Variants in SEC61A2 observed in about 807,000 individuals in gnomAD.
The protein encoded by SEC61A2 is SEC61 translocon subunit alpha 2.
A neutral mutation model predicts 59.9 loss-of-function variants in SEC61A2; 28 were observed. The ratio of observed to expected loss-of-function variants is 0.47; its 90% confidence interval spans 0.35 to 0.64. The LOEUF is 0.64. Ranked by LOEUF, SEC61A2 falls within the 30% of genes least tolerant of loss-of-function variation. The pLI, the probability that SEC61A2 is intolerant of heterozygous loss-of-function variation, is 0.01. For missense variants in SEC61A2, 340 were observed against 585.9 expected (o/e 0.58, Z 4.33); for synonymous variants, 202 against 214.4 (o/e 0.94, Z 0.50).
chr10:12,143,311 A>G lies in SEC61A2; in HGVS notation c.220+116A>G. 1.3e-6 allele frequency: 1 copy of G among 775,018 alleles called. No homozygotes were observed. The highest frequency in any genetic ancestry group is 2.3e-6 in the Non-Finnish European group (1 of 434,274). The allele number at this position is 775,018 out of a possible 1,614,324, so 48.0% of individuals were successfully genotyped here. ...AGGGGGAGGATATCATTGCCTAGAA[A>G]AGCCTAGTATGTAGATAATGACAAC... On this transcript the variant is annotated intron_variant, in intron 4 of 11. Coordinates refer to ENST00000298428, the MANE Select transcript of SEC61A2 (RefSeq NM_018144.4). This position sits in a 1 kb window ranked among gnomAD's most constrained non-coding sequence, Gnocchi z 4.8.
chr10:12,160,330 T>A lies in SEC61A2; in HGVS notation c.976-600T>A, dbSNP rs1313689606. Reference sequence around the variant, plus strand: ...ATACTGTAATCATCGCAACTAAAAATTGGTTTCTCACCCCCTATCTGTATA... The same window carrying A: ...ATACTGTAATCATCGCAACTAAAAAATGGTTTCTCACCCCCTATCTGTATA... On this transcript the variant is annotated intron_variant, in intron 9 of 11. Coordinates refer to ENST00000298428, the MANE Select transcript of SEC61A2 (RefSeq NM_018144.4). This position sits in a 1 kb window ranked among gnomAD's most constrained non-coding sequence, Gnocchi z 4.1. Among the ~76,000 whole-genome samples, 1 of 152,160 alleles carries A rather than the reference T, an allele frequency of 6.6e-6. No individual in the cohort carries two copies. The highest frequency in any genetic ancestry group is 1.5e-5 in the Non-Finnish European group (1 of 68,024).
rs4426057 is a variant in SEC61A2, at chr10:12,153,863, T to C, written c.463-1915T>C. 46,363 of 1,488,576 alleles carry C rather than the reference T, an allele frequency of 0.031. 2,237 individuals are homozygous for C. Among genetic ancestry groups the C allele is most frequent in the African/African-American group, 0.19 (13,306 of 71,782 alleles). The allele number at this position is 1,488,576 out of a possible 1,614,324, so 92.2% of individuals were successfully genotyped here. On this transcript the variant is annotated intron_variant, in intron 6 of 11. Transcript: ENST00000298428. The surrounding 1 kb of genome is among the most constrained non-coding windows in gnomAD (Gnocchi z 5.2). ...TTGTGGAAGGTATTTCTCACCTTAT[T>C]TGTTTATGTTTCATTCACGTGGTTA... is the stretch of plus-strand genomic sequence containing the variant.
chr10:12,155,431 G>A lies in SEC61A2; in HGVS notation c.463-347G>A, dbSNP rs1400153408. 1.5e-6 allele frequency: 2 copies of A among 1,293,928 alleles called. No homozygotes were observed. Among genetic ancestry groups the A allele is most frequent in the Admixed American group, 2.7e-5 (1 of 37,050 alleles). 80.2% of individuals were successfully genotyped at this position (1,293,928 alleles called of 1,614,324 possible). On this transcript the variant is annotated intron_variant, in intron 6 of 11. Transcript: ENST00000298428. This position sits in a 1 kb window ranked among gnomAD's most constrained non-coding sequence, Gnocchi z 4.3. The stretch of plus-strand genomic sequence containing the variant: ...GTATTTGGGATGTTTTCAGTTTCTT[G>A]CTGTCATAAATTCTAGAATACTGTG...
chr10:12,157,815 A>C, intron 8 of SEC61A2, 93 bp from the exon 9 acceptor site: 1 of 1,203,764 alleles, frequency 8.3e-7, no homozygotes, highest in Non-Finnish European at 1.2e-6. Flanking sequence ...TTGTCTTTTC[A>C]TCCCCCGCAC....
chr10:12,160,553 A>C lies in SEC61A2; in HGVS notation c.976-377A>C, dbSNP rs1318656984. ...TGCATTAATATTTTCATATGGAAGG[A>C]TCATTCATAGGGATCTTAATGTACT... On this transcript the variant is annotated intron_variant, in intron 9 of 11. Coordinates refer to ENST00000298428, the MANE Select transcript of SEC61A2 (RefSeq NM_018144.4). This position sits in a 1 kb window ranked among gnomAD's most constrained non-coding sequence, Gnocchi z 4.1. Among the ~76,000 whole-genome samples, 1 of 152,234 alleles carries C rather than the reference A, an allele frequency of 6.6e-6. No homozygotes were observed. Among genetic ancestry groups the C allele is most frequent in the Non-Finnish European group, 1.5e-5 (1 of 68,036 alleles).
intron 1 of SEC61A2, among the ~76,000 whole-genome samples, chr10:12,131,682 CTTTTTTTTT>C (rs1199525836): frequency 4.1e-4 from 19 of 46,552 alleles, no homozygotes; most frequent in East Asian, 9.0e-4. Flanking sequence ...GATTACATAC[CTTTTTTTTT>C]TTTTTTTTTT....
downstream of SEC61A2, chr10:12,167,922 G>C (rs1162204388): frequency 1.0e-5 from 15 of 1,484,532 alleles, no homozygotes; most frequent in African/African-American, 1.5e-5. Context: ...TCCTATGCTA[G>C]ATGCTGGTGA....
Position 12,158,394 on chromosome 10 carries a change from G to T in SEC61A2, c.975+289G>T. On this transcript the variant is annotated intron_variant, in intron 9 of 11. Transcript: ENST00000298428. The surrounding 1 kb of genome is among the most constrained non-coding windows in gnomAD (Gnocchi z 5.7). ...TTTCATAAAAGTAATTTCCTATTTT[G>T]TCATCTTATTCCAGTATTGTCTACA... 2.7e-6 allele frequency: 1 copy of T among 363,746 alleles called. No homozygotes were observed. The highest frequency in any genetic ancestry group is 5.1e-6 in the Non-Finnish European group (1 of 197,580). 22.5% of individuals were successfully genotyped at this position (363,746 alleles called of 1,614,324 possible).
chr10:12,141,431 G>A (rs1834017779), intron 3 of SEC61A2, among the ~76,000 whole-genome samples: 1 of 152,304 alleles, frequency 6.6e-6, no homozygotes, highest in Non-Finnish European at 1.5e-5. Context: ...TCCCCACATG[G>A]TTAAGGAGGG....
intron 3 of SEC61A2, among the ~76,000 whole-genome samples, chr10:12,136,576 G>A (rs1453048659): frequency 1.3e-5 from 2 of 152,200 alleles, no homozygotes; most frequent in African/African-American, 4.8e-5. Flanking sequence ...GGGCTCCCAA[G>A]TAGCTGTGGG....
intron 8 of SEC61A2, 109 bp from the exon 9 acceptor site, chr10:12,157,799 C>A: frequency 9.8e-7 from 1 of 1,020,562 alleles, no homozygotes; most frequent in Non-Finnish European, 1.5e-6. Flanking sequence ...CTGTGCCCGG[C>A]CGGCATTGTC....
At chr10:12,131,972 C>T (rs1833754004) in intron 1 of SEC61A2, among the ~76,000 whole-genome samples, 2 of 46,830 alleles carry the variant, frequency 4.3e-5, no homozygotes, top group Admixed American at 2.3e-4. Context: ...GCTGGGATTA[C>T]AGGCGTGAGC....
intron 3 of SEC61A2, among the ~76,000 whole-genome samples, chr10:12,137,327 T>G (rs554556386): frequency 7.6e-4 from 116 of 152,286 alleles, no homozygotes; most frequent in Non-Finnish European, 1.3e-3. Context: ...TTTTGTTTTT[T>G]GGTTTTTTTT....
chr10:12,158,069 T>A lies in SEC61A2; in HGVS notation c.939T>A (p.Ser313Arg). The A allele has an allele frequency of 2.5e-6, 4 of 1,614,206 alleles. No homozygotes were observed. Among genetic ancestry groups the A allele is most frequent in the Non-Finnish European group, 3.4e-6 (4 of 1,180,006 alleles). Residue 313 changes from serine to arginine, a missense_variant, in exon 9 of 12, where the codon AGT becomes AGA. This residue lies in a region of SEC61A2 where 283 missense variants were observed against 483.2 expected (regional missense o/e 0.59). Transcript: ENST00000298428. This position sits in a 1 kb window ranked among gnomAD's most constrained non-coding sequence, Gnocchi z 5.7. Reference sequence around the variant, plus strand: ...CCCAGATGCTGTCTGTTCGATTTAGTGGCAACTTTTTAGTAAATTTACTAG... The same window carrying A: ...CCCAGATGCTGTCTGTTCGATTTAGAGGCAACTTTTTAGTAAATTTACTAG... ...VISQMLSVRF[S>R]GNFLVNLLGQ...
chr10:12,136,111 T>C lies in SEC61A2; in HGVS notation c.82T>C (p.Phe28Leu). Reference protein sequence around the residue: ...EIQKPERKIQFREKVLWTAIT... With the variant: ...EIQKPERKIQLREKVLWTAIT... ...TTTACATTTTGTTGTACAGATCCAG[T>C]TTAGAGAGAAGGTTCTGTGGACTGC... Residue 28 changes from phenylalanine (F) to leucine (L), a missense_variant, in exon 3 of 12, where the codon TTT (phenylalanine) becomes CTT (leucine). Transcript: ENST00000298428. 6.2e-7 allele frequency: 1 copy of C among 1,606,008 alleles called. No individual in the cohort carries two copies. The highest frequency in any genetic ancestry group is 8.5e-7 in the Non-Finnish European group (1 of 1,172,714).
Position 12,152,359 on chromosome 10 carries a change from CG to C in SEC61A2, c.462+2399del, listed in dbSNP as rs1834295306. Reference sequence around the variant, plus strand: ...CCTTCCAAAATGCTGGGATTACAGGCGTGAGCCACCACGCCCCGCCCAGGGC... The same window carrying C: ...CCTTCCAAAATGCTGGGATTACAGGCTGAGCCACCACGCCCCGCCCAGGGC... On this transcript the variant is annotated intron_variant, in intron 6 of 11. Coordinates refer to ENST00000298428, the MANE Select transcript of SEC61A2 (RefSeq NM_018144.4). This position sits in a 1 kb window ranked among gnomAD's most constrained non-coding sequence, Gnocchi z 5.5. Among the ~76,000 whole-genome samples the C allele has an allele frequency of 6.6e-6, 1 of 150,882 alleles. No individual in the cohort carries two copies. The highest frequency in any genetic ancestry group is 1.5e-5 in the Non-Finnish European group (1 of 67,750).
chr10:12,151,838 T>C (rs1457011998), intron 6 of SEC61A2, among the ~76,000 whole-genome samples: 1 of 151,302 alleles, frequency 6.6e-6, no homozygotes, highest in East Asian at 2.0e-4. Flanking sequence ...CTCGGCACAA[T>C]CTTGGCTCAA....
chr10:12,156,819 G>A lies in SEC61A2; in HGVS notation c.617-88G>A, dbSNP rs1189887101. 7.5e-7 allele frequency: 1 copy of A among 1,339,136 alleles called. No individual in the cohort carries two copies. 83.0% of individuals were successfully genotyped at this position (1,339,136 alleles called of 1,614,324 possible). On this transcript the variant is annotated intron_variant, in intron 7 of 11. Transcript: ENST00000298428. The surrounding 1 kb of genome is among the most constrained non-coding windows in gnomAD (Gnocchi z 5.2). ...ATTCTTTTGACCCATATTTTCTGCT[G>A]TATACTGGACTTTCACGGTTAGTTG... is the stretch of plus-strand genomic sequence containing the variant.
chr10:12,157,086 C>T lies in SEC61A2; in HGVS notation c.777+19C>T. The T allele has an allele frequency of 5.0e-6, 8 of 1,606,066 alleles. No individual in the cohort carries two copies. The highest frequency in any genetic ancestry group is 6.0e-6 in the Non-Finnish European group (7 of 1,175,606). ...TTTCCAAGTAAGTATAACCTTTTCA[C>T]CAAAGTAAGTGGGATGTAGATTTTT... is the stretch of plus-strand genomic sequence containing the variant. On this transcript the variant is annotated intron_variant, in intron 8 of 11. Transcript: ENST00000298428.
Sources: allele counts gnomAD v4.1 joint callset (sites outside exome capture counted in the v4.1 genomes callset), GRCh38; gene constraint gnomAD v4.1.1; regional missense constraint gnomAD v4.1.1; non-coding constraint Gnocchi (gnomAD v3.1); transcripts MANE v1.5; gene names NCBI Gene and HGNC (gene_info 2026-07-23, HGNC 2026-07-21).